NLGN3: variants seen among roughly 807,000 people sequenced by gnomAD.
NLGN3 encodes the protein neuroligin-3.
In NLGN3, 11 loss-of-function variants were observed where a neutral mutation model predicts 42.9. The observed-to-expected ratio is 0.26, with a 90% CI of 0.16 to 0.42. The LOEUF is 0.42. NLGN3 is among the 10% of genes least tolerant of loss of function. The pLI, the probability that NLGN3 is intolerant of heterozygous loss-of-function variation, is 1.00. For synonymous variants in NLGN3, 279 were observed against 312.7 expected (o/e 0.89, Z 1.14); for missense variants, 374 against 733.8 (o/e 0.51, Z 5.67).
intron 5 of NLGN3, among the ~76,000 whole-genome samples, chrX:71,162,163 C>T (rs1263368792): frequency 2.7e-5 from 3 of 109,114 alleles, no homozygotes; most frequent in Non-Finnish European, 5.7e-5. Flanking sequence ...TCATTCTGTC[C>T]CCCAGGCTGG....
chrX:71,150,546 C>CA (rs1164511178), intron 3 of NLGN3, among the ~76,000 whole-genome samples: 3 of 109,244 alleles, frequency 2.7e-5, no homozygotes, highest in African/African-American at 6.7e-5. Flanking sequence ...CTAAAAAATA[C>CA]AAAAAATTAG....
intron 5 of NLGN3, among the ~76,000 whole-genome samples, chrX:71,158,647 A>G (rs771581943): frequency 1.3e-3 from 150 of 111,396 alleles, no homozygotes; most frequent in Middle Eastern, 4.6e-3. Flanking sequence ...AAAGAGGGAG[A>G]GAAAGAGGAG....
intron 5 of NLGN3, among the ~76,000 whole-genome samples, chrX:71,156,307 G>A (rs896338607): frequency 6.9e-5 from 7 of 101,097 alleles, no homozygotes; most frequent in African/African-American, 2.6e-4. Context: ...ACACACACCT[G>A]TCCCTCACTA....
At chrX:71,147,403 C>T (rs1885607567) in intron 1 of NLGN3, 147 bp from the exon 2 acceptor site, 1 of 317,827 alleles carries the variant, frequency 3.1e-6, no homozygotes. Flanking sequence ...AGTGGATCAT[C>T]TGTGGGATCA....
In NLGN3 at chrX:71,147,674, C is replaced by A; in HGVS notation, c.-76C>A. On this transcript the variant is annotated 5_prime_UTR_variant, in exon 2 of 8. Transcript: ENST00000358741. ...AGTTTTGAGGTTCAAGTCAGTGTGG[C>A]CATGAAGGGGCTGCCTATTGGGCTG... The A allele has an allele frequency of 7.9e-6, 7 of 889,833 alleles. No homozygotes were observed. Among genetic ancestry groups the A allele is most frequent in the Non-Finnish European group, 1.1e-5 (7 of 626,794 alleles). The allele number at this position is 889,833 out of a possible 1,213,427, so 73.3% of individuals were successfully genotyped here. A position where few individuals can be genotyped will look rare whatever the true frequency, so the allele number is the denominator to read the frequency against.
In NLGN3 at chrX:71,167,558, A is replaced by C. The variant is rs2092450945; in HGVS notation, c.1461A>C (p.Ser487=). ...LFTDHQWVEP[S]VVTADLHARY... ...CTGACCACCAGTGGGTGGAGCCCTC[A>C]GTGGTGACAGCCGATCTGCATGCCC... The change falls in exon 7 of 8, where the codon TCA becomes TCC. Residue 487 remains serine, a synonymous_variant. Coordinates refer to ENST00000358741, the MANE Select transcript of NLGN3 (RefSeq NM_181303.2). 1 of 1,209,178 alleles carries C rather than the reference A, an allele frequency of 8.3e-7. No individual in the cohort carries two copies. Among genetic ancestry groups the C allele is most frequent in the Non-Finnish European group, 1.1e-6 (1 of 894,972 alleles).
At chrX:71,159,726 C>CTT (rs11456013) in intron 5 of NLGN3, among the ~76,000 whole-genome samples, 63 of 98,653 alleles carry the variant, frequency 6.4e-4, no homozygotes, top group African/African-American at 1.6e-3. Context: ...ATTTTCTTTT[C>CTT]TTTTTTTTTT....
Position 71,147,713 on chromosome X carries a change from G to A in NLGN3, c.-37G>A, listed in dbSNP as rs765927822. On this transcript the variant is annotated 5_prime_UTR_variant, in exon 2 of 8. Coordinates refer to ENST00000358741, the MANE Select transcript of NLGN3 (RefSeq NM_181303.2). ...CCTATTGGGCTGATGCTGTGACCCT[G>A]GAGTCTGCCTCTCCTGCCAGTCCCC... The A allele has an allele frequency of 1.5e-5, 17 of 1,139,586 alleles. No homozygotes were observed. The Admixed American group carries it at 2.3e-4, about 16-fold the overall frequency. 93.9% of individuals were successfully genotyped at this position (1,139,586 alleles called of 1,213,427 possible).
At chrX:71,166,195 G>A (rs1220429066) in intron 6 of NLGN3, among the ~76,000 whole-genome samples, 1 of 110,965 alleles carries the variant, frequency 9.0e-6, no homozygotes, top group Non-Finnish European at 1.9e-5. Flanking sequence ...GGTGGCTCAC[G>A]CCTGTAACCC....
intron 5 of NLGN3, among the ~76,000 whole-genome samples, chrX:71,160,196 A>G (rs2147890603): frequency 9.6e-6 from 1 of 103,899 alleles, no homozygotes; most frequent in East Asian, 3.0e-4. Flanking sequence ...TAAGGTGCTT[A>G]TCTTTTTTCT....
intron 5 of NLGN3, 80 bp from the exon 6 acceptor site, chrX:71,164,063 C>CT: frequency 1.1e-6 from 1 of 943,456 alleles, no homozygotes; most frequent in Non-Finnish European, 1.5e-6. Context: ...CCCACCTCCC[C>CT]TGTTGACCCT....
At chrX:71,153,347 C>T (rs746064949) in intron 3 of NLGN3, 130 bp from the exon 4 acceptor site, 1 of 647,559 alleles carries the variant, frequency 1.5e-6, no homozygotes, top group Admixed American at 2.6e-5. Context: ...CTTGCCATCC[C>T]TCCTGCCTGT....
rs1182829287 is a variant in NLGN3, at chrX:71,163,107, T to C, written c.728-1036T>C. Reference sequence around the variant, plus strand: ...ACATCTCTGTGGGATAGCCAGCAGGTGGGCAGGAAGGTAGTCTCCATGGCA... The same window carrying C: ...ACATCTCTGTGGGATAGCCAGCAGGCGGGCAGGAAGGTAGTCTCCATGGCA... On this transcript the variant is annotated intron_variant, in intron 5 of 7. Transcript: ENST00000358741. 2.7e-5 allele frequency among the ~76,000 whole-genome samples: 3 copies of C among 109,828 alleles called. No homozygotes were observed. In the Admixed American group the frequency reaches 2.9e-4, roughly 11 times the overall value.
chrX:71,169,472 C>T lies in NLGN3; in HGVS notation c.1922C>T (p.Thr641Met). The T allele has an allele frequency of 3.3e-6, 4 of 1,211,620 alleles. No homozygotes were observed. The highest frequency in any genetic ancestry group is 4.5e-6 in the Non-Finnish European group (4 of 895,338). ...AACCTGCATGACATGTTCCACTATA[C>T]GTCCACCACCACCAAAGTGCCGCCT... ...LYNLHDMFHY[T>M]STTTKVPPPD... Residue 641 changes from threonine to methionine, a missense_variant, in exon 8 of 8, where the codon ACG (threonine) becomes ATG (methionine). Transcript: ENST00000358741.
chrX:71,154,112 A>G (rs2092400166), intron 4 of NLGN3, among the ~76,000 whole-genome samples: 1 of 112,981 alleles, frequency 8.9e-6, no homozygotes, highest in Admixed American at 9.3e-5. Context: ...AGACAAGGCC[A>G]GAAAGACTGG....
At chrX:71,158,756 G>A (rs1161507457) in intron 5 of NLGN3, among the ~76,000 whole-genome samples, 1 of 111,367 alleles carries the variant, frequency 9.0e-6, no homozygotes, top group African/African-American at 3.3e-5. Flanking sequence ...GGAGAGACTC[G>A]GCATTTCACG....
chrX:71,147,568 G>A lies in NLGN3; in HGVS notation c.-182G>A. 2.1e-6 allele frequency: 1 copy of A among 477,663 alleles called. No individual in the cohort carries two copies. The highest frequency in any genetic ancestry group is 2.9e-5 in the South Asian group (1 of 34,220). The allele number at this position is 477,663 out of a possible 1,213,427, so 39.4% of individuals were successfully genotyped here. A position where few individuals can be genotyped will look rare whatever the true frequency, so the allele number is the denominator to read the frequency against. On this transcript the variant is annotated 5_prime_UTR_variant, in exon 2 of 8. Coordinates refer to ENST00000358741, the MANE Select transcript of NLGN3 (RefSeq NM_181303.2). Reference sequence around the variant, plus strand: ...TCCACAGGCCTGTCTGGCCCTGAGGGAGTCCCCTTTCTGAAGCTGTGGTGC... The same window carrying A: ...TCCACAGGCCTGTCTGGCCCTGAGGAAGTCCCCTTTCTGAAGCTGTGGTGC...
chrX:71,155,432 A>G, intron 5 of NLGN3, 69 bp downstream of exon 5: 1 of 1,152,628 alleles, frequency 8.7e-7, no homozygotes, highest in Non-Finnish European at 1.2e-6. Context: ...AATGCTGGAG[A>G]ATTTAAAAAC....
Position 71,148,869 on chromosome X carries a change from G to T in NLGN3, c.481G>T (p.Ala161Ser), listed in dbSNP as rs1052933751. The change falls in exon 3 of 8, where the codon GCC becomes TCC. Residue 161 changes from alanine to serine, a missense_variant. Ala to Ser is a moderately conservative substitution (Grantham distance 99). Coordinates refer to ENST00000358741, the MANE Select transcript of NLGN3 (RefSeq NM_181303.2). The stretch of plus-strand genomic sequence containing the variant: ...AGTAAAGCGGATTTCCAAGGAATGC[G>T]CCCGAAAGCCCAACAAGAAAATTTG... Reference protein sequence around the residue: ...EDVKRISKECARKPNKKICRK... With the variant: ...EDVKRISKECSRKPNKKICRK... 1 of 1,132,468 alleles carries T rather than the reference G, an allele frequency of 8.8e-7. No individual in the cohort carries two copies. Among genetic ancestry groups the T allele is most frequent in the Non-Finnish European group, 1.2e-6 (1 of 855,342 alleles). 93.3% of individuals were successfully genotyped at this position (1,132,468 alleles called of 1,213,427 possible).
Sources: gnomAD v4.1 joint callset for allele counts (sites outside exome capture counted in the v4.1 genomes callset) on GRCh38, gnomAD v4.1.1 for gene constraint, MANE v1.5 for transcripts, NCBI Gene and HGNC (gene_info 2026-07-23, HGNC 2026-07-21) for gene names.